HTR7: variants seen among roughly 807,000 people sequenced by gnomAD.
HTR7 encodes 5-HT-7.
In HTR7, 16 loss-of-function variants were observed where a neutral mutation model predicts 34.0. The ratio of observed to expected loss-of-function variants is 0.47; its 90% CI spans 0.32 to 0.71. The LOEUF (loss-of-function observed/expected upper bound fraction) is 0.71. Ranked by LOEUF, HTR7 falls within the 30% of genes least tolerant of loss-of-function variation. The pLI, the probability that HTR7 is intolerant of heterozygous loss-of-function variation, is 0.04. For synonymous variants in HTR7, 265 were observed against 260.2 expected, an observed-to-expected ratio of 1.02 and a Z score of -0.18; for missense variants, 504 against 625.5, an observed-to-expected ratio of 0.81 and a Z score of 2.07.
rs1374067277 is a variant in HTR7, at chr10:90,806,294, G to C, written c.539+50839C>G. Among the ~76,000 whole-genome samples the C allele has an allele frequency of 7.2e-5, 11 of 152,284 alleles. No homozygotes were observed. In the South Asian group the frequency reaches 2.3e-3, roughly 32 times the overall value. ...ATCCATGGTATGGAGCTGCAGCTGTGCTGTATTAAGTTCCTAAAGGTAGGC... is the reference window on the plus strand; with the variant it reads ...ATCCATGGTATGGAGCTGCAGCTGTCCTGTATTAAGTTCCTAAAGGTAGGC... On this transcript the variant is annotated intron_variant, in intron 1 of 3. Coordinates refer to ENST00000336152, the MANE Select transcript of HTR7 (RefSeq NM_019859.4).
At chr10:90,819,277 G>T (rs931070170) in intron 1 of HTR7, among the ~76,000 whole-genome samples, 5 of 151,684 alleles carry the variant, frequency 3.3e-5, no homozygotes, top group Admixed American at 3.3e-4. Context: ...ACTTACCCTG[G>T]GTAATTTTAT....
intron 2 of HTR7, among the ~76,000 whole-genome samples, chr10:90,745,781 G>A (rs1028981075): frequency 1.3e-5 from 2 of 152,104 alleles, no homozygotes; most frequent in East Asian, 1.9e-4. Context: ...ATTGGTACAC[G>A]GGCCTATCTG....
intron 1 of HTR7, among the ~76,000 whole-genome samples, chr10:90,770,785 C>T (rs1318720206): frequency 6.6e-6 from 1 of 152,206 alleles, no homozygotes. Flanking sequence ...GTGCCATGGA[C>T]CCTAGCAGGA....
At chr10:90,814,932 G>T (rs981129246) in intron 1 of HTR7, among the ~76,000 whole-genome samples, 1 of 152,220 alleles carries the variant, frequency 6.6e-6, no homozygotes, top group Non-Finnish European at 1.5e-5. Context: ...GGTGAACCAA[G>T]ATATGGATTG....
chr10:90,780,810 A>C (rs1290069136), intron 1 of HTR7, among the ~76,000 whole-genome samples: 3 of 152,210 alleles, frequency 2.0e-5, no homozygotes, highest in Non-Finnish European at 4.4e-5. Context: ...GATTGTTGGA[A>C]GTGGTCTGTT....
chr10:90,755,593 C>A (rs1301652523), intron 1 of HTR7, among the ~76,000 whole-genome samples: 1 of 152,130 alleles, frequency 6.6e-6, no homozygotes, highest in Non-Finnish European at 1.5e-5. Context: ...AATTACTCAC[C>A]TTCACCAAAC....
intron 1 of HTR7, among the ~76,000 whole-genome samples, chr10:90,813,246 CGGA>C (rs1845845482): frequency 6.6e-6 from 1 of 152,146 alleles, no homozygotes; most frequent in Non-Finnish European, 1.5e-5. Flanking sequence ...TCTCTTCACA[CGGA>C]CGCGCATGAA....
At chr10:90,785,554 G>T (rs1363978959) in intron 1 of HTR7, among the ~76,000 whole-genome samples, 1 of 151,908 alleles carries the variant, frequency 6.6e-6, no homozygotes, top group East Asian at 1.9e-4. Context: ...TATAACACAT[G>T]ACTCAGTACC....
At chr10:90,808,475 C>A (rs1564689377) in intron 1 of HTR7, among the ~76,000 whole-genome samples, 1 of 152,194 alleles carries the variant, frequency 6.6e-6, no homozygotes. Flanking sequence ...ATCTCTGCGC[C>A]CCGATCCCTT....
At chr10:90,795,481 T>C (rs1249435834) in intron 1 of HTR7, among the ~76,000 whole-genome samples, 1 of 152,108 alleles carries the variant, frequency 6.6e-6, no homozygotes, top group Non-Finnish European at 1.5e-5. Flanking sequence ...AAACAAATGA[T>C]AAAGGTAGAA....
intron 1 of HTR7, among the ~76,000 whole-genome samples, chr10:90,787,217 C>T (rs1276532465): frequency 6.6e-6 from 1 of 152,184 alleles, no homozygotes; most frequent in East Asian, 1.9e-4. Context: ...CCGCTGGGCA[C>T]AGTGGGTCAC....
intron 1 of HTR7, among the ~76,000 whole-genome samples, chr10:90,773,127 G>T (rs1051563468): frequency 4.6e-5 from 7 of 152,160 alleles, no homozygotes; most frequent in Admixed American, 4.6e-4. Context: ...CAGAAACCCT[G>T]ACAGTAACTC....
chr10:90,826,824 C>A (rs896793913), intron 1 of HTR7, among the ~76,000 whole-genome samples: 1 of 151,946 alleles, frequency 6.6e-6, no homozygotes, highest in African/African-American at 2.4e-5. Flanking sequence ...GTGGTCCCAG[C>A]TGCTCGGGAG....
intron 1 of HTR7, among the ~76,000 whole-genome samples, chr10:90,760,858 G>A (rs576051052): frequency 4.6e-5 from 7 of 152,030 alleles, no homozygotes; most frequent in Non-Finnish European, 7.4e-5. Context: ...TGCAGCCTGC[G>A]CAACAGAGTG....
At chr10:90,802,996 CTTTT>C (rs35715510) in intron 1 of HTR7, among the ~76,000 whole-genome samples, 4 of 89,008 alleles carry the variant, frequency 4.5e-5, no homozygotes, top group Non-Finnish European at 6.5e-5. Context: ...CATTTGTGGC[CTTTT>C]TTTTTTTTTT....
At chr10:90,786,733 A>C (rs982231288) in intron 1 of HTR7, among the ~76,000 whole-genome samples, 1 of 152,206 alleles carries the variant, frequency 6.6e-6, no homozygotes, top group African/African-American at 2.4e-5. Context: ...AGCTCTTCCT[A>C]TTCCTTGTCT....
At chr10:90,810,408 G>A (rs1021596838) in intron 1 of HTR7, among the ~76,000 whole-genome samples, 31 of 152,016 alleles carry the variant, frequency 2.0e-4, no homozygotes, top group Non-Finnish European at 3.7e-4. Flanking sequence ...CCCACTCAAC[G>A]CCAGTATCCC....
intron 1 of HTR7, among the ~76,000 whole-genome samples, chr10:90,811,009 T>C (rs915031341): frequency 6.6e-6 from 1 of 152,166 alleles, no homozygotes; most frequent in Non-Finnish European, 1.5e-5. Context: ...TTATATAAAC[T>C]CACAAAAAGA....
intron 1 of HTR7, among the ~76,000 whole-genome samples, chr10:90,849,172 A>AT (rs1846457497): frequency 6.6e-6 from 1 of 152,172 alleles, no homozygotes; most frequent in Non-Finnish European, 1.5e-5. Context: ...CATCTTTCTG[A>AT]TATGTACCTG....
Sources: gnomAD v4.1 joint callset for allele counts (sites outside exome capture counted in the v4.1 genomes callset) on GRCh38, gnomAD v4.1.1 for gene constraint, MANE v1.5 for transcripts, NCBI Gene and HGNC (gene_info 2026-07-23, HGNC 2026-07-21) for gene names.